MARCHF11: variants seen among roughly 807,000 people sequenced by gnomAD.
MARCHF11 encodes membrane associated ring-CH-type finger 11.
MARCHF11 carries 29 observed loss-of-function variants against 37.3 expected under a neutral mutation model. That is an observed-to-expected ratio of 0.78 (90% CI 0.58 to 1.06). The LOEUF (loss-of-function observed/expected upper bound fraction) is 1.06. Among genes scored for constraint, MARCHF11 ranks in the 50% least tolerant of loss-of-function variants. The pLI, the probability that MARCHF11 is intolerant of heterozygous loss-of-function variation, is 0.00. For synonymous variants in MARCHF11, 233 were observed against 228.0 expected, an observed-to-expected ratio of 1.02 and a Z score of -0.20; for missense variants, 482 against 533.4, an observed-to-expected ratio of 0.90 and a Z score of 0.95.
intron 2 of MARCHF11, among the ~76,000 whole-genome samples, chr5:16,148,258 A>G (rs2126596106): frequency 6.6e-6 from 1 of 151,392 alleles, no homozygotes; most frequent in Admixed American, 6.6e-5. Flanking sequence ...TAAATTTATG[A>G]AAAAAAGTAC....
intron 3 of MARCHF11, among the ~76,000 whole-genome samples, chr5:16,074,221 A>G (rs1736479562): frequency 6.6e-6 from 1 of 152,206 alleles, no homozygotes. Flanking sequence ...TATTGACACA[A>G]CCTATCAAAA....
intron 3 of MARCHF11, among the ~76,000 whole-genome samples, chr5:16,084,993 AGT>A (rs59143481): frequency 0.34 from 51,309 of 150,190 alleles, 9,471 homozygotes; most frequent in East Asian, 0.63. Flanking sequence ...GATCAGAGTG[AGT>A]GTGTGTGTGT....
At chr5:16,128,432 G>A (rs1255221763) in intron 2 of MARCHF11, among the ~76,000 whole-genome samples, 1 of 152,168 alleles carries the variant, frequency 6.6e-6, no homozygotes, top group Non-Finnish European at 1.5e-5. Context: ...AGCTTTGCAA[G>A]TTGCTGAGGA....
chr5:16,068,456 A>G (rs1736385544), intron 3 of MARCHF11, among the ~76,000 whole-genome samples: 2 of 152,342 alleles, frequency 1.3e-5, no homozygotes, highest in Admixed American at 1.3e-4. Context: ...GGGGATGTTC[A>G]GAAACGTGCT....
At chr5:16,156,155 G>C (rs1024675280) in intron 2 of MARCHF11, among the ~76,000 whole-genome samples, 1 of 151,876 alleles carries the variant, frequency 6.6e-6, no homozygotes, top group Non-Finnish European at 1.5e-5. Flanking sequence ...TGTATTTATT[G>C]TAAACTTAAT....
chr5:16,144,126 A>C (rs1427380173), intron 2 of MARCHF11, among the ~76,000 whole-genome samples: 1 of 152,194 alleles, frequency 6.6e-6, no homozygotes, highest in Non-Finnish European at 1.5e-5. Flanking sequence ...AACTAACAGC[A>C]CAGATTTTTG....
At chr5:16,167,239 A>C (rs1421706832) in intron 2 of MARCHF11, among the ~76,000 whole-genome samples, 1 of 152,024 alleles carries the variant, frequency 6.6e-6, no homozygotes, top group Non-Finnish European at 1.5e-5. Context: ...ACAAGTCCCA[A>C]GATCTGCAAT....
rs190727918 is a variant in MARCHF11 at position 16,170,304 on chromosome 5, C to T, written c.693+7422G>A. 1.4e-3 allele frequency among the ~76,000 whole-genome samples: 214 copies of T among 152,196 alleles called. 1 individual carries two copies. Among genetic ancestry groups the T allele is most frequent in the Non-Finnish European group, 2.1e-3 (141 of 67,990 alleles). On this transcript the variant is annotated intron_variant, in intron 2 of 3. Transcript: ENST00000332432. ...GTGAGGGTGTCACACATGGGTAATTCCACATTCACAGACTTTTTTCATGAC... is the reference window on the plus strand; with the variant it reads ...GTGAGGGTGTCACACATGGGTAATTTCACATTCACAGACTTTTTTCATGAC...
Position 16,151,088 on chromosome 5 carries a change from A to G in MARCHF11, c.693+26638T>C, listed in dbSNP as rs1737880217. ...CACAGAAATGCTTAGATATATAGAG[A>G]CAGATAAACAGCTATCTATTCAACT... On this transcript the variant is annotated intron_variant, in intron 2 of 3. Coordinates refer to ENST00000332432, the MANE Select transcript of MARCHF11 (RefSeq NM_001102562.3). Among the ~76,000 whole-genome samples the G allele has an allele frequency of 2.0e-5, 3 of 152,058 alleles. No homozygotes were observed. In the South Asian group the frequency reaches 6.2e-4, roughly 32 times the overall value.
intron 2 of MARCHF11, among the ~76,000 whole-genome samples, chr5:16,169,651 T>C (rs1738225803): frequency 6.6e-6 from 1 of 152,132 alleles, no homozygotes; most frequent in Non-Finnish European, 1.5e-5. Context: ...GGCTAAATCA[T>C]GTGGAACAGC....
chr5:16,098,403 C>T (rs528793136), intron 2 of MARCHF11, among the ~76,000 whole-genome samples: 99 of 152,260 alleles, frequency 6.5e-4, no homozygotes, highest in African/African-American at 2.3e-3. Flanking sequence ...TGATTATCTG[C>T]GTAGAAATCC....
intron 3 of MARCHF11, among the ~76,000 whole-genome samples, chr5:16,070,179 T>G (rs1177385309): frequency 6.6e-6 from 1 of 152,228 alleles, no homozygotes; most frequent in Non-Finnish European, 1.5e-5. Context: ...AAGTCAATAC[T>G]ACCAGATTTT....
chr5:16,179,211 GACTCC>G lies in MARCHF11; in HGVS notation c.360_364del (p.Glu121Ter). ...GCGCTCGCCGCCCGCGCCGGCCTCAGACTCCCCGGGGCCGCCTTTCGCTGCTGCCG... is the reference window on the plus strand; with the variant it reads ...GCGCTCGCCGCCCGCGCCGGCCTCAGCCGGGGCCGCCTTTCGCTGCTGCCG... On this transcript the variant is annotated frameshift_variant, in exon 1 of 4. Transcript: ENST00000332432. LOFTEE classifies it high-confidence loss of function. The G allele has an allele frequency of 1.5e-6, 2 of 1,347,220 alleles. No individual in the cohort carries two copies. The highest frequency in any genetic ancestry group is 7.4e-5 in the Admixed American group (2 of 26,998). 83.5% of individuals were successfully genotyped at this position (1,347,220 alleles called of 1,614,324 possible).
intron 2 of MARCHF11, among the ~76,000 whole-genome samples, chr5:16,150,642 A>G (rs1201197258): frequency 1.5e-5 from 2 of 136,876 alleles, no homozygotes; most frequent in Non-Finnish European, 3.0e-5. Context: ...TCATCCTCTG[A>G]ATTTCCTCTC....
Position 16,161,953 on chromosome 5 carries a change from T to C in MARCHF11, c.693+15773A>G, listed in dbSNP as rs551905240. On this transcript the variant is annotated intron_variant, in intron 2 of 3. Transcript: ENST00000332432. ...GCTTTTAACAGAAAAACTGTACTTG[T>C]CCAAGGAGAACACAGGTCTAAAATT... Among the ~76,000 whole-genome samples the C allele has an allele frequency of 2.0e-5, 3 of 152,084 alleles. No homozygotes were observed. The East Asian group carries it at 5.8e-4, about 29-fold the overall frequency.
At chr5:16,110,430 C>A (rs1737117385) in intron 2 of MARCHF11, among the ~76,000 whole-genome samples, 1 of 152,144 alleles carries the variant, frequency 6.6e-6, no homozygotes, top group Non-Finnish European at 1.5e-5. Context: ...GCACTGCTGA[C>A]TTACAGGCTG....
chr5:16,178,829 A>G (rs1358713861), intron 1 of MARCHF11, among the ~76,000 whole-genome samples: 1 of 151,994 alleles, frequency 6.6e-6, no homozygotes, highest in Non-Finnish European at 1.5e-5. Context: ...GATGAAATTA[A>G]ACCCAGTATT....
At chr5:16,117,453 G>A (rs539004747) in intron 2 of MARCHF11, among the ~76,000 whole-genome samples, 30 of 152,304 alleles carry the variant, frequency 2.0e-4, no homozygotes, top group South Asian at 6.2e-4. Context: ...TTGCACTCCT[G>A]AACTAACTTT....
chr5:16,102,210 A>G (rs890551963), intron 2 of MARCHF11, among the ~76,000 whole-genome samples: 3 of 152,198 alleles, frequency 2.0e-5, no homozygotes, highest in African/African-American at 4.8e-5. Flanking sequence ...AACACAACCC[A>G]TTAAGCTGAG....
Sources: gnomAD v4.1 joint callset for allele counts (sites outside exome capture counted in the v4.1 genomes callset) on GRCh38, gnomAD v4.1.1 for gene constraint, MANE v1.5 for transcripts, NCBI Gene and HGNC (gene_info 2026-07-23, HGNC 2026-07-21) for gene names.